Variants in RUNDC3B observed in about 807,000 individuals in gnomAD.
RUNDC3B encodes the protein RUN domain containing 3B, also known as RUN domain-containing protein 3B.
Under a neutral mutation model 58.4 loss-of-function variants are expected in RUNDC3B, and 33 were observed. That is an observed-to-expected ratio of 0.56 (90% confidence interval 0.43 to 0.75). RUNDC3B has a LOEUF of 0.75. Ranked by LOEUF, RUNDC3B falls within the 30% of genes least tolerant of loss-of-function variation. The probability of loss-of-function intolerance (pLI) is 0.00; values close to 1 mark genes in which losing one functional copy is unlikely to be tolerated. For synonymous variants in RUNDC3B, 193 were observed against 195.2 expected, an observed-to-expected ratio of 0.99 and a Z score of 0.10; for missense variants, 501 against 535.7, an observed-to-expected ratio of 0.94 and a Z score of 0.64.
At chr7:87,805,961 A>T (rs1316831182) in intron 8 of RUNDC3B, among the ~76,000 whole-genome samples, 1 of 151,976 alleles carries the variant, frequency 6.6e-6, no homozygotes, top group Non-Finnish European at 1.5e-5. Flanking sequence ...TTTCCCAGCC[A>T]CTCTCTTTGT....
In RUNDC3B at chr7:87,651,768, G is replaced by A. The variant is rs79025582; in HGVS notation, c.238+831G>A. Among the ~76,000 whole-genome samples, 433 of 152,182 alleles carry A rather than the reference G, an allele frequency of 2.8e-3. 6 individuals are homozygous for A. The East Asian group carries it at 0.049, about 17-fold the overall frequency. ...ACTTTTTGATGCTGAAAGCATCCAG[G>A]TTTTAATATAAGTGTTTAAATGAGT... is the stretch of plus-strand genomic sequence containing the variant. On this transcript the variant is annotated intron_variant, in intron 2 of 10. Coordinates refer to ENST00000394654, the MANE Select transcript of RUNDC3B (RefSeq NM_001134405.2).
chr7:87,725,452 G>T (rs1831165959), intron 4 of RUNDC3B, among the ~76,000 whole-genome samples: 1 of 152,100 alleles, frequency 6.6e-6, no homozygotes, highest in Non-Finnish European at 1.5e-5. Flanking sequence ...AGTATTCCAT[G>T]GTGTATGTGT....
intron 8 of RUNDC3B, among the ~76,000 whole-genome samples, chr7:87,798,551 G>A (rs1362223250): frequency 1.3e-5 from 2 of 152,010 alleles, no homozygotes; most frequent in African/African-American, 4.8e-5. Flanking sequence ...ATTTGTTTTT[G>A]ATAACTCTTA....
At chr7:87,736,843 GTA>G (rs1256448584) in intron 4 of RUNDC3B, among the ~76,000 whole-genome samples, 1 of 101,520 alleles carries the variant, frequency 9.9e-6, no homozygotes, top group African/African-American at 3.7e-5. Context: ...ATGTATGTGT[GTA>G]TATATATACC....
At chr7:87,691,284 T>C (rs1000653807) in intron 2 of RUNDC3B, among the ~76,000 whole-genome samples, 3 of 152,176 alleles carry the variant, frequency 2.0e-5, no homozygotes, top group Non-Finnish European at 2.9e-5. Flanking sequence ...ATGCTGTCTG[T>C]CTTCAGTATT....
chr7:87,719,761 A>G (rs963495378), intron 4 of RUNDC3B, among the ~76,000 whole-genome samples: 6 of 151,980 alleles, frequency 3.9e-5, no homozygotes, highest in African/African-American at 1.2e-4. Context: ...GGATCAATCA[A>G]TCAATCAGTT....
chr7:87,816,556 T>A (rs1837049044), intron 10 of RUNDC3B, among the ~76,000 whole-genome samples: 1 of 152,160 alleles, frequency 6.6e-6, no homozygotes, highest in Non-Finnish European at 1.5e-5. Context: ...ATCAAGGTAA[T>A]CAGCTATTAA....
At chr7:87,633,470 T>A (rs1364261817) in intron 1 of RUNDC3B, among the ~76,000 whole-genome samples, 1 of 152,208 alleles carries the variant, frequency 6.6e-6, no homozygotes, top group Non-Finnish European at 1.5e-5. Flanking sequence ...AGCTTTTGCC[T>A]AAGTGGCCCC....
chr7:87,738,329 GA>G (rs1412549054), intron 4 of RUNDC3B, among the ~76,000 whole-genome samples: 2 of 151,928 alleles, frequency 1.3e-5, no homozygotes, highest in African/African-American at 4.8e-5. Flanking sequence ...CACCTCAGTA[GA>G]ATATGTAAAA....
intron 6 of RUNDC3B, among the ~76,000 whole-genome samples, chr7:87,767,260 A>T (rs1252461634): frequency 6.6e-6 from 1 of 152,168 alleles, no homozygotes; most frequent in Non-Finnish European, 1.5e-5. Context: ...GTTAGGATCT[A>T]TTCCTAGAGA....
At chr7:87,677,274 AACAC>A (rs57009840) in intron 2 of RUNDC3B, among the ~76,000 whole-genome samples, 4,258 of 135,828 alleles carry the variant, frequency 0.031, 151 homozygotes, top group African/African-American at 0.092. Context: ...CAGTGTATAT[AACAC>A]ACACACACAC....
chr7:87,742,671 A>G (rs1192873507), intron 6 of RUNDC3B, among the ~76,000 whole-genome samples: 1 of 152,138 alleles, frequency 6.6e-6, no homozygotes, highest in Non-Finnish European at 1.5e-5. Flanking sequence ...TCTATAATTT[A>G]TCATGCATTC....
intron 3 of RUNDC3B, among the ~76,000 whole-genome samples, chr7:87,702,440 G>A (rs1418124347): frequency 1.3e-5 from 2 of 151,844 alleles, no homozygotes; most frequent in Admixed American, 1.3e-4. Context: ...CACCATGCCT[G>A]GCAAATGTTT....
chr7:87,644,723 A>G (rs1287371461), intron 1 of RUNDC3B, among the ~76,000 whole-genome samples: 1 of 152,004 alleles, frequency 6.6e-6, no homozygotes, highest in Non-Finnish European at 1.5e-5. Flanking sequence ...AGGGATAGGA[A>G]TATAATTTTT....
intron 6 of RUNDC3B, among the ~76,000 whole-genome samples, chr7:87,758,487 A>G (rs1434610437): frequency 6.6e-6 from 1 of 152,238 alleles, no homozygotes; most frequent in Admixed American, 6.5e-5. Flanking sequence ...GATTCCATCA[A>G]GTTGAAAAGC....
At chr7:87,672,183 G>A (rs1825888335) in intron 2 of RUNDC3B, among the ~76,000 whole-genome samples, 1 of 152,214 alleles carries the variant, frequency 6.6e-6, no homozygotes, top group African/African-American at 2.4e-5. Context: ...ACACAGGCAG[G>A]GATGGCTAGA....
intron 9 of RUNDC3B, among the ~76,000 whole-genome samples, chr7:87,810,733 C>A (rs1193803549): frequency 1.3e-5 from 2 of 152,066 alleles, no homozygotes; most frequent in African/African-American, 2.4e-5. Context: ...ATCACTTAGA[C>A]CTGGCAAGAT....
At position 87,741,624 on chromosome 7, in the gene RUNDC3B, T is replaced by C. The variant is rs199842147; in HGVS notation, c.629+45T>C. Reference sequence around the variant, plus strand: ...ATGTTTTTTAAAATCTTATTTAAAATTGAATGTCTTGTGCAATGTTTGTCT... The same window carrying C: ...ATGTTTTTTAAAATCTTATTTAAAACTGAATGTCTTGTGCAATGTTTGTCT... On this transcript the variant is annotated intron_variant, in intron 6 of 10. Transcript: ENST00000394654. The C allele has an allele frequency of 1.9e-4, 206 of 1,081,310 alleles. No individual in the cohort carries two copies. The African/African-American group carries it at 2.9e-3, about 15-fold the overall frequency. 67.0% of individuals were successfully genotyped at this position (1,081,310 alleles called of 1,614,324 possible). A position where few individuals can be genotyped will look rare whatever the true frequency, so the allele number is the denominator to read the frequency against.
chr7:87,631,786 C>T (rs748672995), intron 1 of RUNDC3B, among the ~76,000 whole-genome samples: 3 of 152,144 alleles, frequency 2.0e-5, no homozygotes, highest in Non-Finnish European at 2.9e-5. Context: ...TCTAGGTTGA[C>T]TTTATCATTA....
Sources: allele counts gnomAD v4.1 joint callset (sites outside exome capture counted in the v4.1 genomes callset), GRCh38; gene constraint gnomAD v4.1.1; transcripts MANE v1.5; gene names NCBI Gene and HGNC (gene_info 2026-07-23, HGNC 2026-07-21).